The following GPC5 variants were observed in gnomAD, a reference collection of about 807,000 sequenced individuals.
GPC5 encodes the protein glypican-5.
In GPC5, 47 loss-of-function variants were observed where a neutral mutation model predicts 53.9. The ratio of observed to expected loss-of-function variants is 0.87; its 90% CI spans 0.69 to 1.11. The LOEUF (loss-of-function observed/expected upper bound fraction) is 1.11. Among genes scored for constraint, GPC5 ranks in the 50% most tolerant of loss-of-function variants. The pLI is 0.00. For synonymous variants in GPC5, 286 were observed against 263.3 expected, an observed-to-expected ratio of 1.09 and a Z score of -0.84; for missense variants, 748 against 713.1, an observed-to-expected ratio of 1.05 and a Z score of -0.56.
intron 7 of GPC5, among the ~76,000 whole-genome samples, chr13:92,710,535 TC>T (rs1200735855): frequency 6.6e-6 from 1 of 152,198 alleles, no homozygotes; most frequent in Non-Finnish European, 1.5e-5. Context: ...TAAATATAAT[TC>T]TATTCATTTG....
At chr13:92,290,753 C>T (rs1024158233) in intron 7 of GPC5, among the ~76,000 whole-genome samples, 7 of 152,322 alleles carry the variant, frequency 4.6e-5, no homozygotes, top group East Asian at 3.9e-4. Flanking sequence ...CGCTCGCTCT[C>T]GGCGCCTCCT....
At position 92,334,618 on chromosome 13, in the gene GPC5, C is replaced by CA. The variant is rs149691736; in HGVS notation, c.1561+189631dup. Among the ~76,000 whole-genome samples, 1,473 of 152,266 alleles carry CA rather than the reference C, an allele frequency of 9.7e-3. 17 individuals are homozygous for CA. Among genetic ancestry groups the CA allele is most frequent in the African/African-American group, 0.033 (1,374 of 41,552 alleles). On this transcript the variant is annotated intron_variant, in intron 7 of 7. Coordinates refer to ENST00000377067, the MANE Select transcript of GPC5 (RefSeq NM_004466.6). ...GTCCAAAGCCTCATCTGAGACAAGG[C>CA]AAGTCCCTTCCTCCTATGAGCCTGT...
intron 7 of GPC5, among the ~76,000 whole-genome samples, chr13:92,314,407 C>G (rs1224875638): frequency 6.6e-6 from 1 of 152,184 alleles, no homozygotes; most frequent in East Asian, 1.9e-4. Context: ...TAATACTTGG[C>G]TAGATGAGAG....
At chr13:92,717,310 A>G (rs1461510855) in intron 7 of GPC5, among the ~76,000 whole-genome samples, 2 of 152,274 alleles carry the variant, frequency 1.3e-5, no homozygotes, top group Non-Finnish European at 2.9e-5. Flanking sequence ...TGCCAGCTAC[A>G]GCCCTTGCCT....
At chr13:92,527,223 A>AAGAAAGAAAGAAAG (rs1566277076) in intron 7 of GPC5, among the ~76,000 whole-genome samples, 1 of 47,272 alleles carries the variant, frequency 2.1e-5, no homozygotes, top group Non-Finnish European at 3.6e-5. Flanking sequence ...GAAAGAAAGA[A>AAGAAAGAAAGAAAG]AGAAAGAAAG....
At chr13:91,964,977 G>A (rs2040166569) in intron 6 of GPC5, among the ~76,000 whole-genome samples, 1 of 150,788 alleles carries the variant, frequency 6.6e-6, no homozygotes, top group Non-Finnish European at 1.5e-5. Context: ...GCCAACTATT[G>A]CAAAGACAGA....
chr13:92,764,059 G>T (rs1260965278), intron 7 of GPC5, among the ~76,000 whole-genome samples: 1 of 152,102 alleles, frequency 6.6e-6, no homozygotes, highest in Admixed American at 6.5e-5. Flanking sequence ...TGTTTTTCAG[G>T]TCCTCAGAGT....
At chr13:92,397,073 T>TA (rs754326268) in intron 7 of GPC5, among the ~76,000 whole-genome samples, 12 of 152,212 alleles carry the variant, frequency 7.9e-5, no homozygotes, top group Non-Finnish European at 1.6e-4. Context: ...GATAAAACCA[T>TA]AAAAATGTAG....
At chr13:92,106,546 T>G (rs1477060462) in intron 6 of GPC5, among the ~76,000 whole-genome samples, 1 of 151,964 alleles carries the variant, frequency 6.6e-6, no homozygotes, top group Non-Finnish European at 1.5e-5. Flanking sequence ...TGTCTTAGAG[T>G]TCAATAAAAT....
At chr13:91,530,455 G>A (rs769735480) in intron 2 of GPC5, among the ~76,000 whole-genome samples, 1 of 152,198 alleles carries the variant, frequency 6.6e-6, no homozygotes, top group Non-Finnish European at 1.5e-5. Flanking sequence ...TCTGACACCA[G>A]TATTCGAACA....
intron 7 of GPC5, among the ~76,000 whole-genome samples, chr13:92,647,818 A>AAT (rs1467515121): frequency 2.0e-5 from 3 of 152,022 alleles, no homozygotes; most frequent in Non-Finnish European, 2.9e-5. Context: ...TATATGATAG[A>AAT]ATATATATAT....
At chr13:91,995,597 G>A (rs2040496180) in intron 6 of GPC5, 1 of 152,052 alleles carries the variant, frequency 6.6e-6, no homozygotes, top group Non-Finnish European at 1.5e-5. Context: ...TTCTTGTAAA[G>A]CACTCAAAAT....
intron 6 of GPC5, among the ~76,000 whole-genome samples, chr13:92,056,893 A>G (rs2041078972): frequency 1.3e-5 from 2 of 152,226 alleles, no homozygotes; most frequent in Non-Finnish European, 2.9e-5. Flanking sequence ...TTCAAATATC[A>G]TAAAACAGTC....
At chr13:92,071,166 G>A (rs1413754794) in intron 6 of GPC5, among the ~76,000 whole-genome samples, 1 of 152,066 alleles carries the variant, frequency 6.6e-6, no homozygotes, top group Non-Finnish European at 1.5e-5. Flanking sequence ...AACCTGGGAG[G>A]CAGAGGCTGC....
At chr13:92,253,351 G>A (rs774388478) in intron 7 of GPC5, among the ~76,000 whole-genome samples, 2 of 152,068 alleles carry the variant, frequency 1.3e-5, no homozygotes, top group Admixed American at 1.3e-4. Context: ...ACTGGCATGA[G>A]TGAGGAGTGC....
intron 2 of GPC5, among the ~76,000 whole-genome samples, chr13:91,661,034 T>C (rs2034975556): frequency 1.3e-5 from 2 of 152,212 alleles, no homozygotes; most frequent in Non-Finnish European, 2.9e-5. Context: ...AACATATTAC[T>C]TGTGTGTGGA....
intron 5 of GPC5, among the ~76,000 whole-genome samples, chr13:91,766,284 A>C (rs2037522732): frequency 6.6e-6 from 1 of 152,176 alleles, no homozygotes; most frequent in Non-Finnish European, 1.5e-5. Flanking sequence ...TGGCCTCTAC[A>C]CTGCATTACT....
chr13:91,846,219 A>T (rs1223833968), intron 5 of GPC5, among the ~76,000 whole-genome samples: 1 of 152,036 alleles, frequency 6.6e-6, no homozygotes, highest in East Asian at 1.9e-4. Context: ...AATCAGACAA[A>T]CACACCAGAT....
At chr13:92,855,305 A>T (rs1298845773) in intron 7 of GPC5, among the ~76,000 whole-genome samples, 1 of 152,070 alleles carries the variant, frequency 6.6e-6, no homozygotes, top group Non-Finnish European at 1.5e-5. Flanking sequence ...TTAATTATTT[A>T]AGTGGTTAAC....
Sources: gnomAD v4.1 joint callset for allele counts (sites outside exome capture counted in the v4.1 genomes callset) on GRCh38, gnomAD v4.1.1 for gene constraint, MANE v1.5 for transcripts, NCBI Gene and HGNC (gene_info 2026-07-23, HGNC 2026-07-21) for gene names.